Variants in ERCC6 observed in about 807,000 individuals in gnomAD.
The protein encoded by ERCC6 is ERCC excision repair 6, chromatin remodeling factor.
In ERCC6, 116 loss-of-function variants were observed where a neutral mutation model predicts 158.7. That is an observed-to-expected ratio of 0.73 (90% CI 0.63 to 0.85). ERCC6 has a LOEUF of 0.85. ERCC6 is among the 40% of genes least tolerant of loss of function. The pLI is 0.00. For missense variants in ERCC6, 1,698 were observed against 1,799.4 expected, an observed-to-expected ratio of 0.94 and a Z score of 1.02; for synonymous variants, 678 against 659.3, an observed-to-expected ratio of 1.03 and a Z score of -0.43.
chr10:49,523,990 T>A, intron 5 of ERCC6, 43 bp downstream of exon 5: 1 of 1,608,876 alleles, frequency 6.2e-7, no homozygotes, highest in South Asian at 1.1e-5. Flanking sequence ...TCACCTAAGA[T>A]AAAGCAAACA....
rs562695003 is a variant in ERCC6 at position 49,527,351 on chromosome 10, A to G, written c.652+1066T>C. On this transcript the variant is annotated intron_variant, in intron 4 of 20. Transcript: ENST00000355832. The stretch of plus-strand genomic sequence containing the variant: ...AGTTAAAAGCACTGGTCATAGGCCT[A>G]ATGAATTCTGAGAGGCTGAACTTTA... Among the ~76,000 whole-genome samples, 88 of 152,314 alleles carry G rather than the reference A, an allele frequency of 5.8e-4. 1 individual carries two copies. Among genetic ancestry groups the G allele is most frequent in the Middle Eastern group, 3.4e-3 (1 of 294 alleles).
intron 5 of ERCC6, among the ~76,000 whole-genome samples, chr10:49,511,459 CTG>C (rs1836817234): frequency 6.8e-6 from 1 of 147,218 alleles, no homozygotes; most frequent in Admixed American, 6.9e-5. Flanking sequence ...AAGTCTCACT[CTG>C]TCACGTCAGC....
chr10:49,532,421 T>C (rs1837490134), intron 2 of ERCC6, 122 bp downstream of exon 2: 2 of 1,483,398 alleles, frequency 1.3e-6, no homozygotes, highest in South Asian at 1.2e-5. Flanking sequence ...ATTGACTCTG[T>C]CCTCCAAATA....
chr10:49,503,322 A>T (rs1851386296), intron 6 of ERCC6: 1 of 152,156 alleles, frequency 6.6e-6, no homozygotes, highest in Non-Finnish European at 1.5e-5. Context: ...CTCATCTACA[A>T]ATCTAATCTT....
At chr10:49,489,468 C>T (rs186699839) in intron 8 of ERCC6, among the ~76,000 whole-genome samples, 11 of 152,268 alleles carry the variant, frequency 7.2e-5, no homozygotes, top group Non-Finnish European at 1.3e-4. Context: ...GCAAGTGATT[C>T]GCCCAAGCTT....
chr10:49,473,470 A>G lies in ERCC6; in HGVS notation c.2709+7T>C, dbSNP rs774508618. On this transcript the variant is annotated splice_region_variant and intron_variant, in intron 14 of 20. Transcript: ENST00000355832. ...CACTCAACTTCCCTGTTACATTCACATGTTACCTCATTGTATCTCGTAATC... is the reference window on the plus strand; with the variant it reads ...CACTCAACTTCCCTGTTACATTCACGTGTTACCTCATTGTATCTCGTAATC... 2.6e-6 allele frequency: 4 copies of G among 1,553,090 alleles called. No individual in the cohort carries two copies. The highest frequency in any genetic ancestry group is 2.7e-5 in the African/African-American group (2 of 73,688).
Position 49,473,588 on chromosome 10 carries a change from C to G in ERCC6, c.2599-1G>C, listed in dbSNP as rs2132541141. The G allele has an allele frequency of 6.4e-7, 1 of 1,570,348 alleles. No homozygotes were observed. The highest frequency in any genetic ancestry group is 1.7e-5 in the Admixed American group (1 of 59,968). On this transcript the variant is annotated splice_acceptor_variant, in intron 13 of 20. Transcript: ENST00000355832. LOFTEE classifies it high-confidence loss of function. The stretch of plus-strand genomic sequence containing the variant: ...GGAATACTTCAAGTATGTCCAGCAT[C>G]TGTTTGGAGGTGGGGGATAGGAGTT...
chr10:49,479,204 C>G (rs1850933578), intron 10 of ERCC6, among the ~76,000 whole-genome samples: 1 of 151,576 alleles, frequency 6.6e-6, no homozygotes, highest in South Asian at 2.1e-4. Flanking sequence ...CAAAAAAAAT[C>G]TAAATAGGCT....
Position 49,473,527 on chromosome 10 carries a change from C to G in ERCC6, c.2659G>C (p.Gly887Arg). ...TGTCTTGAAGCTATTGTAGTGGTAC[C>G]ATCCATCTTGAGATAGGTATACTTT... ...AQKYTYLKMD[G>R]TTTIASRQPL... The change falls in exon 14 of 21, where the codon GGT becomes CGT. Residue 887 changes from glycine to arginine, a missense_variant. By Grantham distance (125) the Gly-to-Arg change is moderately radical (BLOSUM62 -2). Transcript: ENST00000355832. 1 of 1,613,428 alleles carries G rather than the reference C, an allele frequency of 6.2e-7. No individual in the cohort carries two copies. Among genetic ancestry groups the G allele is most frequent in the Non-Finnish European group, 8.5e-7 (1 of 1,179,344 alleles).
chr10:49,533,646 T>C (rs1053920308), intron 1 of ERCC6, among the ~76,000 whole-genome samples: 1 of 151,442 alleles, frequency 6.6e-6, no homozygotes, highest in African/African-American at 2.4e-5. Context: ...TACTAAAAAT[T>C]TAAAACCTTA....
intron 5 of ERCC6, 115 bp from the exon 6 acceptor site, chr10:49,506,127 T>G: frequency 8.5e-7 from 1 of 1,180,658 alleles, no homozygotes; most frequent in Non-Finnish European, 1.2e-6. Flanking sequence ...TCTCTTAGGT[T>G]AATGCTGCCA....
At chr10:49,497,849 C>A (rs1350377922) in intron 7 of ERCC6, among the ~76,000 whole-genome samples, 1 of 152,126 alleles carries the variant, frequency 6.6e-6, no homozygotes, top group Non-Finnish European at 1.5e-5. Flanking sequence ...TATCAACCTG[C>A]AGGATGGAAA....
In ERCC6 at chr10:49,461,378, C is replaced by T; in HGVS notation, c.3957G>A (p.Gly1319=). The T allele has an allele frequency of 6.2e-7, 1 of 1,613,662 alleles. No individual in the cohort carries two copies. Among genetic ancestry groups the T allele is most frequent in the Non-Finnish European group, 8.5e-7 (1 of 1,180,024 alleles). The change falls in exon 19 of 21, where the codon GGG becomes GGA. Residue 1319 remains glycine, a synonymous_variant. Coordinates refer to ENST00000355832, the MANE Select transcript of ERCC6 (RefSeq NM_000124.4). ...SGVPTWTGHR[G]ISGAPAGKKS... Reference sequence around the variant, plus strand: ...TTTTTCCTGCTGGTGCACCAGAAATCCCCCTGTGGCCAGTCCAGGTGGGAA... The same window carrying T: ...TTTTTCCTGCTGGTGCACCAGAAATTCCCCTGTGGCCAGTCCAGGTGGGAA...
chr10:49,534,063 G>A (rs1837534180), intron 1 of ERCC6, among the ~76,000 whole-genome samples: 1 of 149,474 alleles, frequency 6.7e-6, no homozygotes. Context: ...GAACCCAGGA[G>A]GCGGAGGTTG....
chr10:49,487,821 A>G (rs1323644913), intron 8 of ERCC6, among the ~76,000 whole-genome samples: 1 of 152,240 alleles, frequency 6.6e-6, no homozygotes. Context: ...TCCTGTGTTC[A>G]GGAAGATGTA....
chr10:49,477,687 T>C (rs2058774002), intron 11 of ERCC6, among the ~76,000 whole-genome samples: 1 of 152,138 alleles, frequency 6.6e-6, no homozygotes, highest in African/African-American at 2.4e-5. Context: ...TCCTCCTTGC[T>C]CCCAGCCCTG....
intron 5 of ERCC6, among the ~76,000 whole-genome samples, chr10:49,507,298 G>A (rs1438397140): frequency 2.0e-5 from 3 of 152,156 alleles, no homozygotes; most frequent in African/African-American, 7.2e-5. Context: ...ATCTGAAATT[G>A]CACTACACGG....
At chr10:49,509,031 G>A (rs1224844572) in intron 5 of ERCC6, among the ~76,000 whole-genome samples, 1 of 152,128 alleles carries the variant, frequency 6.6e-6, no homozygotes. Context: ...ATGCAGAAGT[G>A]CAGGCCCAGG....
Position 49,516,231 on chromosome 10 carries a change from T to C in ERCC6, c.1397+7802A>G, listed in dbSNP as rs202246230. 9.4e-5 allele frequency: 151 copies of C among 1,614,040 alleles called. No homozygotes were observed. The highest frequency in any genetic ancestry group is 1.1e-4 in the Non-Finnish European group (135 of 1,180,034). On this transcript the variant is annotated intron_variant, in intron 5 of 20. Coordinates refer to ENST00000355832, the MANE Select transcript of ERCC6 (RefSeq NM_000124.4). Reference sequence around the variant, plus strand: ...ACAGGTGGCACCACACCAAAACTTATAGCCAAACCGAATGGGCTTTCCCCG... The same window carrying C: ...ACAGGTGGCACCACACCAAAACTTACAGCCAAACCGAATGGGCTTTCCCCG...
Sources: gnomAD v4.1 joint callset for allele counts (sites outside exome capture counted in the v4.1 genomes callset) on GRCh38, gnomAD v4.1.1 for gene constraint, MANE v1.5 for transcripts, NCBI Gene and HGNC (gene_info 2026-07-23, HGNC 2026-07-21) for gene names.